Variants in ANKRD62 observed in about 807,000 individuals in gnomAD.
The protein encoded by ANKRD62 is ankyrin repeat domain-containing protein 62.
Under a neutral mutation model 98.8 loss-of-function variants are expected in ANKRD62, and 61 were observed. The observed-to-expected ratio is 0.62, with a 90% CI of 0.50 to 0.76. The LOEUF (loss-of-function observed/expected upper bound fraction) is 0.76, where lower values mean the gene tolerates loss of function less well. ANKRD62 is among the 30% of genes least tolerant of loss of function. The pLI, the probability that ANKRD62 is intolerant of heterozygous loss-of-function variation, is 0.00. For synonymous variants in ANKRD62, 341 were observed against 367.9 expected (o/e 0.93, Z 0.84); for missense variants, 933 against 1,082.9 (o/e 0.86, Z 1.94).
the ANKRD62 span, among the ~76,000 whole-genome samples, chr18:12,175,258 C>A: frequency 6.6e-6 from 1 of 152,136 alleles, no homozygotes. Flanking sequence ...TTCTCTGTAC[C>A]TAGTTTCACT....
intron 6 of ANKRD62, chr18:12,101,935 A>G: frequency 1.2e-6 from 1 of 819,864 alleles, no homozygotes; most frequent in Non-Finnish European, 2.2e-6. Context: ...GAATGGCATG[A>G]CAAAGCAGAG....
the ANKRD62 span, among the ~76,000 whole-genome samples, chr18:12,135,163 G>A: frequency 2.0e-5 from 3 of 149,242 alleles, no homozygotes; most frequent in African/African-American, 5.0e-5. Flanking sequence ...TTTAACATTA[G>A]GTATATCTCC....
At position 12,115,010 on chromosome 18, in the gene ANKRD62, A is replaced by G. The variant is rs566722399; in HGVS notation, c.1065-78A>G. On this transcript the variant is annotated intron_variant, in intron 8 of 13. Transcript: ENST00000587848. ...GAAACTACAAACACAGAGATTTTAT[A>G]TAAAAAAGTTTTAGATATTCTTTGT... 59 of 1,102,290 alleles carry G rather than the reference A, an allele frequency of 5.4e-5. 1 individual carries two copies. In the South Asian group the frequency reaches 1.6e-3, roughly 29 times the overall value. The allele number at this position is 1,102,290 out of a possible 1,614,324, so 68.3% of individuals were successfully genotyped here. A position where few individuals can be genotyped will look rare whatever the true frequency, so the allele number is the denominator to read the frequency against.
At chr18:12,172,355 T>C in the ANKRD62 span, among the ~76,000 whole-genome samples, 1 of 152,234 alleles carries the variant, frequency 6.6e-6, no homozygotes, top group East Asian at 1.9e-4. Flanking sequence ...TGGTTTTCCT[T>C]CTAACAGTCA....
intron 8 of ANKRD62, among the ~76,000 whole-genome samples, chr18:12,112,472 C>T (rs969387633): frequency 4.6e-5 from 7 of 152,086 alleles, no homozygotes; most frequent in African/African-American, 1.2e-4. Context: ...AGGACAGGAC[C>T]GTATTTAATA....
the ANKRD62 span, among the ~76,000 whole-genome samples, chr18:12,135,805 A>T: frequency 1.3e-5 from 2 of 151,780 alleles, no homozygotes; most frequent in Non-Finnish European, 2.9e-5. Context: ...GATTATGAGC[A>T]TTTTTTCATG....
the ANKRD62 span, among the ~76,000 whole-genome samples, chr18:12,145,245 C>T: frequency 6.6e-6 from 1 of 152,196 alleles, no homozygotes; most frequent in Non-Finnish European, 1.5e-5. Flanking sequence ...GTTGGCCTGC[C>T]TCTCCTTCTG....
chr18:12,135,841 C>T, the ANKRD62 span, among the ~76,000 whole-genome samples: 5 of 151,918 alleles, frequency 3.3e-5, no homozygotes, highest in Non-Finnish European at 5.9e-5. Context: ...TAAATGTCTT[C>T]TTTTGAGAAG....
At chr18:12,114,611 G>A (rs1909619025) in intron 8 of ANKRD62, among the ~76,000 whole-genome samples, 1 of 152,046 alleles carries the variant, frequency 6.6e-6, no homozygotes, top group Non-Finnish European at 1.5e-5. Context: ...TTAAATACAT[G>A]TACAGTGTTT....
chr18:12,130,555 T>C (rs1909987444), downstream of ANKRD62, among the ~76,000 whole-genome samples: 1 of 152,226 alleles, frequency 6.6e-6, no homozygotes, highest in African/African-American at 2.4e-5. Context: ...GTTTGGAATA[T>C]TTGTATACAC....
At chr18:12,102,005 G>A (rs1909309527) in intron 6 of ANKRD62, 1 of 1,310,372 alleles carries the variant, frequency 7.6e-7, no homozygotes, top group Non-Finnish European at 1.1e-6. Context: ...AGCTTCCACA[G>A]CGTGGCAACA....
intron 10 of ANKRD62, among the ~76,000 whole-genome samples, chr18:12,116,419 T>C (rs1909666454): frequency 6.6e-6 from 1 of 152,268 alleles, no homozygotes; most frequent in Non-Finnish European, 1.5e-5. Flanking sequence ...TCACCTCATA[T>C]ACACAAACTT....
intron 8 of ANKRD62, among the ~76,000 whole-genome samples, chr18:12,110,204 T>C (rs1909509885): frequency 6.6e-6 from 1 of 152,246 alleles, no homozygotes; most frequent in Non-Finnish European, 1.5e-5. Context: ...GCATTGTCAC[T>C]TTTTATTCTT....
the ANKRD62 span, among the ~76,000 whole-genome samples, chr18:12,167,151 T>G: frequency 2.6e-5 from 4 of 152,000 alleles, no homozygotes; most frequent in African/African-American, 9.7e-5. Flanking sequence ...TTTTCTTTAT[T>G]ATACTTTAAG....
intron 8 of ANKRD62, among the ~76,000 whole-genome samples, chr18:12,110,262 A>T (rs1909511393): frequency 6.6e-6 from 1 of 152,192 alleles, no homozygotes; most frequent in Admixed American, 6.5e-5. Flanking sequence ...TGTGTATTTG[A>T]TGAGTATAAA....
chr18:12,135,908 A>T, the ANKRD62 span, among the ~76,000 whole-genome samples: 1 of 151,864 alleles, frequency 6.6e-6, no homozygotes, highest in Non-Finnish European at 1.5e-5. Flanking sequence ...TTTTCTTGTA[A>T]TTTTGTTTGA....
the ANKRD62 span, among the ~76,000 whole-genome samples, chr18:12,169,343 G>C: frequency 1.3e-5 from 2 of 152,238 alleles, no homozygotes; most frequent in Non-Finnish European, 2.9e-5. Flanking sequence ...TAGCATGAAG[G>C]GCTGTTGAAT....
chr18:12,156,360 C>T, the ANKRD62 span, among the ~76,000 whole-genome samples: 1 of 152,126 alleles, frequency 6.6e-6, no homozygotes. Context: ...ATCCATTAGA[C>T]CTCTCCCTGT....
intron 8 of ANKRD62, among the ~76,000 whole-genome samples, chr18:12,114,095 A>AT (rs1183128985): frequency 6.6e-6 from 1 of 152,218 alleles, no homozygotes; most frequent in Non-Finnish European, 1.5e-5. Flanking sequence ...GTGAGAACAC[A>AT]TAGACACATT....
Sources: gnomAD v4.1 joint callset for allele counts (sites outside exome capture counted in the v4.1 genomes callset) on GRCh38, gnomAD v4.1.1 for gene constraint, MANE v1.5 for transcripts, NCBI Gene and HGNC (gene_info 2026-07-23, HGNC 2026-07-21) for gene names.